SH2B2: variants seen among roughly 807,000 people sequenced by gnomAD.
The protein encoded by SH2B2 is SH2B adaptor protein 2, also known as SH2B adapter protein 2.
In SH2B2, 37 loss-of-function variants were observed where a neutral mutation model predicts 35.7. The observed-to-expected ratio is 1.04, with a 90% CI of 0.80 to 1.36. The LOEUF (loss-of-function observed/expected upper bound fraction) is 1.36, where lower values mean the gene tolerates loss of function less well. SH2B2 is among the 40% of genes most tolerant of loss of function. The pLI is 0.00. For missense variants in SH2B2, 852 were observed against 817.7 expected, an observed-to-expected ratio of 1.04 and a Z score of -0.51; for synonymous variants, 383 against 376.4, an observed-to-expected ratio of 1.02 and a Z score of -0.20.
Position 102,320,332 on chromosome 7 carries a change from A to C in SH2B2, c.1397A>C (p.His466Pro), listed in dbSNP as rs782218982. The change falls in exon 8 of 9, where the codon CAC becomes CCC. Residue 466 changes from histidine to proline, a missense_variant and splice_region_variant. Physicochemically the swap from His to Pro is moderately conservative, Grantham distance 77. Transcript: ENST00000444095. ...LTFNFQGKAK[H>P]LRLSLNGHGQ... The stretch of plus-strand genomic sequence containing the variant: ...GACCACACCCACCTGTACCCACAGC[A>C]CCTGCGCCTGTCCCTGAACGGCCAC... 3 of 1,609,942 alleles carry C rather than the reference A, an allele frequency of 1.9e-6. No individual in the cohort carries two copies. In the Admixed American group the frequency reaches 5.0e-5, roughly 27 times the overall value.
At chr7:102,288,576 C>G (rs1361429831) in intron 1 of SH2B2, among the ~76,000 whole-genome samples, 1 of 152,092 alleles carries the variant, frequency 6.6e-6, no homozygotes, top group African/African-American at 2.4e-5. Context: ...CCCTACTTAG[C>G]GTGAATCTCC....
intron 7 of SH2B2, among the ~76,000 whole-genome samples, chr7:102,319,468 G>A (rs1793974021): frequency 1.3e-5 from 2 of 151,868 alleles, no homozygotes; most frequent in Non-Finnish European, 2.9e-5. Flanking sequence ...TTGAACTCCT[G>A]ACCTCCCGTG....
upstream of SH2B2, chr7:102,285,208 T>C (rs569641861): frequency 1.9e-6 from 3 of 1,551,264 alleles, no homozygotes; most frequent in East Asian, 7.3e-5. Flanking sequence ...CAGGACCCTC[T>C]CTGGCCGCTA....
chr7:102,316,430 T>C (rs1159734784), intron 6 of SH2B2, among the ~76,000 whole-genome samples: 1 of 149,126 alleles, frequency 6.7e-6, no homozygotes, highest in Non-Finnish European at 1.5e-5. Context: ...CTACTAAAAA[T>C]ACAAAAATTA....
chr7:102,321,332 C>G lies in SH2B2; in HGVS notation c.1601C>G (p.Ser534Cys), dbSNP rs782217841. The G allele has an allele frequency of 1.9e-5, 28 of 1,436,896 alleles. No individual in the cohort carries two copies. The Middle Eastern group carries it at 2.3e-3, about 118-fold the overall frequency. The allele number at this position is 1,436,896 out of a possible 1,614,324, so 89.0% of individuals were successfully genotyped here. ...CCCACGCCCCCTGCCGCGCCCGCGT[C>G]CCCGGCCTGCTGGAGCGACTCGCCC... The part of the protein sequence containing the change: ...PGPTPPAAPA[S>C]PACWSDSPGQ... The change falls in exon 9 of 9, where the codon TCC (serine) becomes TGC (cysteine). Residue 534 changes from serine (S) to cysteine (C), a missense_variant. Physicochemically the swap from Ser to Cys is moderately radical, Grantham distance 112. This residue lies in a region of SH2B2 where 556 missense variants were observed against 514.5 expected (regional missense o/e 1.08). Transcript: ENST00000444095.
intron 2 of SH2B2, among the ~76,000 whole-genome samples, chr7:102,305,264 T>G (rs1282208311): frequency 1.3e-5 from 2 of 151,986 alleles, no homozygotes; most frequent in Non-Finnish European, 2.9e-5. Context: ...TTTATTTTAT[T>G]TTATTTTATT....
chr7:102,305,582 G>A (rs78299851), intron 2 of SH2B2, among the ~76,000 whole-genome samples: 3,133 of 152,216 alleles, frequency 0.021, 122 homozygotes, highest in African/African-American at 0.073. Flanking sequence ...TTTTTAAAAC[G>A]TGAACTAGAA....
At chr7:102,318,705 C>T (rs1373389039) in intron 7 of SH2B2, among the ~76,000 whole-genome samples, 1 of 152,144 alleles carries the variant, frequency 6.6e-6, no homozygotes, top group African/African-American at 2.4e-5. Context: ...CCCCTAGTGG[C>T]TCAGTGCAGA....
At chr7:102,290,421 C>T (rs782068229) in intron 1 of SH2B2, among the ~76,000 whole-genome samples, 1 of 152,094 alleles carries the variant, frequency 6.6e-6, no homozygotes, top group Non-Finnish European at 1.5e-5. Context: ...TGCACCACCA[C>T]GCCTGGCTAA....
Position 102,297,645 on chromosome 7 carries a change from G to T in SH2B2, c.-29-2877G>T, listed in dbSNP as rs976011598. Among the ~76,000 whole-genome samples the T allele has an allele frequency of 6.6e-5, 10 of 152,284 alleles. No homozygotes were observed. Among genetic ancestry groups the T allele is most frequent in the Middle Eastern group, 6.8e-3 (2 of 294 alleles). Reference sequence around the variant, plus strand: ...TAGGCCCCAAGTGAGGGCTTAGGCGGTGACAGCTGTGACATGCCTGGTGTG... The same window carrying T: ...TAGGCCCCAAGTGAGGGCTTAGGCGTTGACAGCTGTGACATGCCTGGTGTG... On this transcript the variant is annotated intron_variant, in intron 1 of 8. Coordinates refer to ENST00000444095, the MANE Select transcript of SH2B2 (RefSeq NM_001359228.2). This position sits in a 1 kb window ranked among gnomAD's most constrained non-coding sequence, Gnocchi z 4.3.
chr7:102,314,836 G>A (rs1793759534), intron 6 of SH2B2, among the ~76,000 whole-genome samples, 154 bp downstream of exon 6: 1 of 152,190 alleles, frequency 6.6e-6, no homozygotes, highest in Non-Finnish European at 1.5e-5. Context: ...AAGTACTTCT[G>A]GCTTTTGTAG....
chr7:102,308,770 C>T, intron 3 of SH2B2, 45 bp from the exon 4 acceptor site: 1 of 1,420,508 alleles, frequency 7.0e-7, no homozygotes, highest in Non-Finnish European at 1.0e-6. Context: ...GTCTGGAGCC[C>T]ATCTGCTGAC....
intron 2 of SH2B2, 69 bp downstream of exon 2, chr7:102,301,348 G>A (rs1793184187): frequency 1.3e-6 from 2 of 1,499,670 alleles, no homozygotes; most frequent in Non-Finnish European, 1.8e-6. Context: ...AGCTGAGGGT[G>A]CCAGGGACTG....
intron 1 of SH2B2, among the ~76,000 whole-genome samples, chr7:102,289,299 A>G (rs1319911210): frequency 6.6e-6 from 1 of 152,048 alleles, no homozygotes; most frequent in Admixed American, 6.6e-5. Flanking sequence ...GTTCGGTGGA[A>G]GAGACAGGCC....
chr7:102,308,758 TG>T, intron 3 of SH2B2, 56 bp from the exon 4 acceptor site: 2 of 1,279,644 alleles, frequency 1.6e-6, no homozygotes, highest in Non-Finnish European at 2.3e-6. Context: ...CTATGTCCTG[TG>T]GTCTGGAGCC....
At chr7:102,319,307 G>A (rs961528096) in intron 7 of SH2B2, among the ~76,000 whole-genome samples, 5 of 152,156 alleles carry the variant, frequency 3.3e-5, no homozygotes, top group East Asian at 1.9e-4. Flanking sequence ...TGTTTCTTTC[G>A]GGCTGAGTCC....
chr7:102,314,506 C>T lies in SH2B2; in HGVS notation c.1016-6C>T, dbSNP rs1245953503. ...GATACGTGCATCTTACCTGCCACTT[C>T]CCCAGCAGTCGACCTGCCCCGCCCC... On this transcript the variant is annotated splice_region_variant and splice_polypyrimidine_tract_variant and intron_variant, in intron 5 of 8. Coordinates refer to ENST00000444095, the MANE Select transcript of SH2B2 (RefSeq NM_001359228.2). 1 of 398,740 alleles carries T rather than the reference C, an allele frequency of 2.5e-6. No individual in the cohort carries two copies. The highest frequency in any genetic ancestry group is 3.6e-5 in the East Asian group (1 of 28,092). 24.7% of individuals were successfully genotyped at this position (398,740 alleles called of 1,614,324 possible). A position where few individuals can be genotyped will look rare whatever the true frequency, so the allele number is the denominator to read the frequency against.
Position 102,298,305 on chromosome 7 carries a change from C to G in SH2B2, c.-29-2217C>G, listed in dbSNP as rs2132939511. Among the ~76,000 whole-genome samples, 2 of 152,230 alleles carry G rather than the reference C, an allele frequency of 1.3e-5. 1 individual carries two copies. The highest frequency in any genetic ancestry group is 4.2e-4 in the South Asian group (2 of 4,810). On this transcript the variant is annotated intron_variant, in intron 1 of 8. Coordinates refer to ENST00000444095, the MANE Select transcript of SH2B2 (RefSeq NM_001359228.2). ...GTTTTTGAGTCAGAGTCTCTATCAC[C>G]AAGTGAAGTGCATTGTCACGATCAT...
At chr7:102,303,096 A>T (rs567258045) in intron 2 of SH2B2, among the ~76,000 whole-genome samples, 105 of 152,050 alleles carry the variant, frequency 6.9e-4, no homozygotes, top group African/African-American at 2.5e-3. Context: ...ACATGCCTGT[A>T]ATCACAGCTA....
Sources: gnomAD v4.1 joint callset for allele counts (sites outside exome capture counted in the v4.1 genomes callset) on GRCh38, gnomAD v4.1.1 for gene constraint, gnomAD v4.1.1 regional missense constraint, Gnocchi (gnomAD v3.1) non-coding constraint, MANE v1.5 for transcripts, NCBI Gene and HGNC (gene_info 2026-07-23, HGNC 2026-07-21) for gene names.